EMCN: variants seen among roughly 807,000 people sequenced by gnomAD.
The protein encoded by EMCN is MUC-14.
EMCN carries 37 observed loss-of-function variants against 38.4 expected under a neutral mutation model. That is an observed-to-expected ratio of 0.96 (90% CI 0.74 to 1.27). The LOEUF (loss-of-function observed/expected upper bound fraction) is 1.27. Among genes scored for constraint, EMCN ranks in the 50% most tolerant of loss-of-function variants. The pLI is 0.00. For synonymous variants in EMCN, 95 were observed against 100.8 expected (o/e 0.94, Z 0.35); for missense variants, 318 against 302.8 (o/e 1.05, Z -0.37).
At chr4:100,414,826 T>C (rs912444669) in intron 10 of EMCN, among the ~76,000 whole-genome samples, 6 of 152,236 alleles carry the variant, frequency 3.9e-5, no homozygotes. Context: ...ATATAGCTTA[T>C]TCAACTGGGG....
At chr4:100,435,754 C>T (rs887341124) in intron 5 of EMCN, among the ~76,000 whole-genome samples, 5 of 151,990 alleles carry the variant, frequency 3.3e-5, no homozygotes, top group African/African-American at 1.2e-4. Flanking sequence ...CTTCAACAAC[C>T]CTGACAAAAA....
intron 1 of EMCN, among the ~76,000 whole-genome samples, chr4:100,480,390 ATGTTTCACTAAATATT>A (rs1728775457): frequency 6.6e-6 from 1 of 152,034 alleles, no homozygotes; most frequent in African/African-American, 2.4e-5. Flanking sequence ...TGGGCAGTAG[ATGTTTCACTAAATATT>A]TTTACATCAC....
At chr4:100,473,373 G>GT (rs1256284835) in intron 3 of EMCN, among the ~76,000 whole-genome samples, 11,081 of 65,868 alleles carry the variant, frequency 0.17, 1,706 homozygotes, top group African/African-American at 0.28. Context: ...GTGTTTTTTT[G>GT]TTTTTTTTTT....
intron 11 of EMCN, among the ~76,000 whole-genome samples, chr4:100,404,716 A>C (rs1222226180): frequency 1.3e-5 from 2 of 152,136 alleles, no homozygotes; most frequent in African/African-American, 4.8e-5. Flanking sequence ...ATCCAGATGA[A>C]TTTCAGAATA....
chr4:100,418,769 T>G (rs921837457), intron 8 of EMCN, among the ~76,000 whole-genome samples: 1 of 152,008 alleles, frequency 6.6e-6, no homozygotes. Flanking sequence ...AAGCACCACA[T>G]TTTCGTTATC....
At chr4:100,512,163 C>A (rs2110311954) in intron 1 of EMCN, among the ~76,000 whole-genome samples, 1 of 152,056 alleles carries the variant, frequency 6.6e-6, no homozygotes, top group South Asian at 2.1e-4. Context: ...GGGAAAGACA[C>A]AACAGGAATC....
At chr4:100,474,990 G>T in intron 3 of EMCN, 48 bp downstream of exon 3, 2 of 1,036,682 alleles carry the variant, frequency 1.9e-6, no homozygotes, top group Non-Finnish European at 2.8e-6. Context: ...ATTATGTTAT[G>T]TGAATTATAT....
intron 1 of EMCN, among the ~76,000 whole-genome samples, chr4:100,500,769 C>T (rs954095500): frequency 1.3e-5 from 2 of 152,020 alleles, no homozygotes; most frequent in Admixed American, 6.6e-5. Context: ...GCATAATTTA[C>T]ATATTTATTT....
intron 1 of EMCN, chr4:100,483,561 C>T (rs1293934662): frequency 6.6e-6 from 1 of 151,926 alleles, no homozygotes; most frequent in Non-Finnish European, 1.5e-5. Flanking sequence ...CATACGAACA[C>T]ATAAAATGTT....
chr4:100,515,356 C>T (rs920625066), intron 1 of EMCN, among the ~76,000 whole-genome samples: 2 of 152,024 alleles, frequency 1.3e-5, no homozygotes, highest in Non-Finnish European at 2.9e-5. Flanking sequence ...AATGGCAGTT[C>T]CGTTTCAGAA....
intron 1 of EMCN, among the ~76,000 whole-genome samples, chr4:100,502,806 G>A (rs540229415): frequency 6.6e-6 from 1 of 152,222 alleles, no homozygotes; most frequent in Admixed American, 6.5e-5. Context: ...TAAATGTGCA[G>A]AAGTGTTTTT....
intron 3 of EMCN, chr4:100,473,896 G>T: frequency 6.5e-6 from 1 of 152,956 alleles, no homozygotes; most frequent in South Asian, 1.9e-4. Flanking sequence ...TGTGATGTGC[G>T]ACAAAAAGTG....
At chr4:100,500,967 T>C (rs12500156) in intron 1 of EMCN, among the ~76,000 whole-genome samples, 1,614 of 152,178 alleles carry the variant, frequency 0.011, 65 homozygotes, top group Admixed American at 0.071. Context: ...AGATGAGTCA[T>C]TTTTTGGTCA....
At chr4:100,496,962 C>G (rs965046094) in intron 1 of EMCN, among the ~76,000 whole-genome samples, 8 of 152,028 alleles carry the variant, frequency 5.3e-5, no homozygotes, top group Admixed American at 3.3e-4. Context: ...GAAAGTGAGT[C>G]CCATTCCATT....
intron 11 of EMCN, among the ~76,000 whole-genome samples, chr4:100,400,713 G>T (rs1260737089): frequency 6.6e-6 from 1 of 152,038 alleles, no homozygotes. Flanking sequence ...TGTGCTAATA[G>T]GATAATGCTC....
chr4:100,478,859 T>C (rs1728730780), intron 2 of EMCN, among the ~76,000 whole-genome samples: 1 of 151,040 alleles, frequency 6.6e-6, no homozygotes. Flanking sequence ...AAAAAAGGAG[T>C]GTGTGTGTGT....
intron 4 of EMCN, among the ~76,000 whole-genome samples, chr4:100,462,011 C>T (rs1578209667): frequency 6.6e-6 from 1 of 152,060 alleles, no homozygotes; most frequent in African/African-American, 2.4e-5. Flanking sequence ...GGAGAGGTCC[C>T]GGTTTCATCA....
chr4:100,404,726 A>G (rs759756502), intron 11 of EMCN, among the ~76,000 whole-genome samples: 15 of 152,118 alleles, frequency 9.9e-5, no homozygotes, highest in Non-Finnish European at 2.2e-4. Context: ...ATTTCAGAAT[A>G]GCTTTTTTCT....
chr4:100,418,100 C>T (rs969517988), intron 8 of EMCN, among the ~76,000 whole-genome samples: 20 of 152,210 alleles, frequency 1.3e-4, no homozygotes, highest in East Asian at 1.9e-4. Context: ...ACTCTTAATA[C>T]GTAGGATTTA....
Sources: gnomAD v4.1 joint callset for allele counts (sites outside exome capture counted in the v4.1 genomes callset) on GRCh38, gnomAD v4.1.1 for gene constraint, MANE v1.5 for transcripts, NCBI Gene and HGNC (gene_info 2026-07-23, HGNC 2026-07-21) for gene names.